Variants in NRXN1 observed in about 807,000 individuals in gnomAD.
NRXN1 encodes neurexin-1.
Under a neutral mutation model 150.9 loss-of-function variants are expected in NRXN1, and 39 were observed. The observed-to-expected ratio is 0.26, with a 90% CI of 0.20 to 0.34. NRXN1 has a LOEUF of 0.34. Ranked by LOEUF, NRXN1 falls within the 10% of genes least tolerant of loss-of-function variation. NRXN1 has a pLI of 1.00. For missense variants in NRXN1, 1,815 were observed against 1,949.9 expected (o/e 0.93, Z 1.30); for synonymous variants, 924 against 757.0 (o/e 1.22, Z -3.62).
chr2:50,610,744 GTAATTA>G (rs946417628), intron 8 of NRXN1, among the ~76,000 whole-genome samples: 9 of 124,414 alleles, frequency 7.2e-5, no homozygotes, highest in Non-Finnish European at 1.3e-4. Flanking sequence ...AACATAGCTT[GTAATTA>G]TATTTATATA....
At chr2:50,354,545 G>C (rs1436408611) in intron 17 of NRXN1, among the ~76,000 whole-genome samples, 2 of 96,900 alleles carry the variant, frequency 2.1e-5, no homozygotes, top group African/African-American at 4.9e-5. Flanking sequence ...TTAGCGTCTA[G>C]AGTGCATACA....
intron 8 of NRXN1, among the ~76,000 whole-genome samples, chr2:50,594,414 G>A (rs1674812247): frequency 6.6e-6 from 1 of 152,148 alleles, no homozygotes; most frequent in Admixed American, 6.6e-5. Flanking sequence ...ATGCACATCA[G>A]CACTGTCGGG....
intron 5 of NRXN1, among the ~76,000 whole-genome samples, chr2:50,858,906 T>C (rs1275295600): frequency 6.6e-6 from 1 of 152,068 alleles, no homozygotes; most frequent in Non-Finnish European, 1.5e-5. Context: ...TTTTCTGAGA[T>C]GAAACTATTG....
rs118164885 is a variant in NRXN1 at position 50,321,232 on chromosome 2, T to C, written c.3365-84262A>G. ...CTAAGTATCCTGGAATGCATGACTC[T>C]ACACCAAAGCGATATATAAAGTATC... On this transcript the variant is annotated intron_variant, in intron 17 of 22. Coordinates refer to ENST00000401669, the MANE Select transcript of NRXN1 (RefSeq NM_001330078.2). 3.7e-4 allele frequency among the ~76,000 whole-genome samples: 56 copies of C among 152,328 alleles called. No homozygotes were observed. The East Asian group carries it at 0.01, about 28-fold the overall frequency.
intron 5 of NRXN1, among the ~76,000 whole-genome samples, chr2:50,753,479 A>C (rs1427284297): frequency 6.6e-6 from 1 of 151,826 alleles, no homozygotes; most frequent in Non-Finnish European, 1.5e-5. Flanking sequence ...ACAAATAACT[A>C]ATCACTCCCA....
At chr2:50,833,242 T>C (rs1559328430) in intron 5 of NRXN1, among the ~76,000 whole-genome samples, 1 of 152,152 alleles carries the variant, frequency 6.6e-6, no homozygotes, top group East Asian at 1.9e-4. Flanking sequence ...GAATGCAAAA[T>C]GGTACAGTTC....
intron 8 of NRXN1, among the ~76,000 whole-genome samples, chr2:50,556,627 C>T (rs907777553): frequency 6.6e-6 from 1 of 151,756 alleles, no homozygotes; most frequent in African/African-American, 2.4e-5. Flanking sequence ...TGTTAATATG[C>T]AAGAATAGGG....
intron 5 of NRXN1, among the ~76,000 whole-genome samples, chr2:50,880,833 G>A (rs963300479): frequency 1.3e-5 from 2 of 151,884 alleles, no homozygotes; most frequent in Non-Finnish European, 2.9e-5. Context: ...ACAAACATCA[G>A]TATGGGGCTG....
intron 17 of NRXN1, among the ~76,000 whole-genome samples, chr2:50,308,746 C>G (rs137936647): frequency 6.6e-6 from 1 of 152,236 alleles, no homozygotes; most frequent in African/African-American, 2.4e-5. Flanking sequence ...GTTACGCTTT[C>G]CAGACATTCA....
intron 21 of NRXN1, among the ~76,000 whole-genome samples, chr2:49,957,774 A>G (rs1675237360): frequency 6.6e-6 from 1 of 152,186 alleles, no homozygotes; most frequent in African/African-American, 2.4e-5. Context: ...GGTGTGGGTC[A>G]GATGTACAGT....
intron 18 of NRXN1, among the ~76,000 whole-genome samples, chr2:50,150,762 T>C (rs984614103): frequency 1.3e-5 from 2 of 151,692 alleles, no homozygotes; most frequent in African/African-American, 4.8e-5. Flanking sequence ...CCATATCACA[T>C]CCAAATGGAG....
intron 17 of NRXN1, among the ~76,000 whole-genome samples, chr2:50,399,932 T>G (rs898976647): frequency 6.8e-6 from 1 of 147,514 alleles, no homozygotes; most frequent in Non-Finnish European, 1.5e-5. Context: ...TAGTTAAAAA[T>G]TAAAAGGATA....
At chr2:50,890,922 G>T (rs1296364809) in intron 5 of NRXN1, among the ~76,000 whole-genome samples, 2 of 151,784 alleles carry the variant, frequency 1.3e-5, no homozygotes, top group East Asian at 3.9e-4. Flanking sequence ...TCAACGTAAA[G>T]AATAAAATAA....
intron 12 of NRXN1, among the ~76,000 whole-genome samples, chr2:50,521,891 G>T (rs1283932965): frequency 6.6e-6 from 1 of 152,150 alleles, no homozygotes; most frequent in Non-Finnish European, 1.5e-5. Context: ...GATCTGGTGA[G>T]TAGCTTATGG....
chr2:50,544,422 A>C (rs969176959), intron 9 of NRXN1, among the ~76,000 whole-genome samples: 4 of 152,104 alleles, frequency 2.6e-5, no homozygotes, highest in African/African-American at 9.7e-5. Flanking sequence ...GAGGTTTTTA[A>C]AGAAATAAAA....
intron 19 of NRXN1, 59 bp downstream of exon 19, chr2:50,091,264 C>A (rs989811690): frequency 1.3e-6 from 2 of 1,586,672 alleles, no homozygotes; most frequent in South Asian, 2.2e-5. Flanking sequence ...CAAAACAGTG[C>A]TTTTTCTTCC....
At chr2:50,598,657 CATAT>C (rs1028676742) in intron 8 of NRXN1, among the ~76,000 whole-genome samples, 95 of 144,454 alleles carry the variant, frequency 6.6e-4, no homozygotes, top group Non-Finnish European at 8.6e-4. Context: ...TATCTATATA[CATAT>C]ATATTCATAT....
At chr2:50,427,767 C>T (rs1329151790) in intron 17 of NRXN1, among the ~76,000 whole-genome samples, 1 of 152,182 alleles carries the variant, frequency 6.6e-6, no homozygotes, top group African/African-American at 2.4e-5. Flanking sequence ...GACACAATAA[C>T]AAGACCTAAA....
chr2:50,560,459 T>TATTG (rs146788159), intron 8 of NRXN1, among the ~76,000 whole-genome samples: 5,638 of 150,142 alleles, frequency 0.038, 276 homozygotes, highest in African/African-American at 0.11. Context: ...TTTATTTACT[T>TATTG]AGAAGCCGTC....
Sources: gnomAD v4.1 joint callset for allele counts (sites outside exome capture counted in the v4.1 genomes callset) on GRCh38, gnomAD v4.1.1 for gene constraint, MANE v1.5 for transcripts, NCBI Gene and HGNC (gene_info 2026-07-23, HGNC 2026-07-21) for gene names.